Variants in PRELID3A observed in about 807,000 individuals in gnomAD.
PRELID3A encodes the protein PRELI domain containing protein 3A.
A neutral mutation model predicts 23.0 loss-of-function variants in PRELID3A; 27 were observed. That is an observed-to-expected ratio of 1.17 (90% CI 0.87 to 1.62). The LOEUF (loss-of-function observed/expected upper bound fraction) is 1.62, where lower values mean the gene tolerates loss of function less well. Among genes scored for constraint, PRELID3A ranks in the 40% most tolerant of loss-of-function variants. PRELID3A has a pLI of 0.00. For synonymous variants in PRELID3A, 87 were observed against 86.4 expected, an observed-to-expected ratio of 1.01 and a Z score of -0.04; for missense variants, 231 against 231.4, an observed-to-expected ratio of 1.00 and a Z score of 0.01.
At chr18:12,427,587 C>G (rs574494393) in intron 5 of PRELID3A, among the ~76,000 whole-genome samples, 144 of 151,838 alleles carry the variant, frequency 9.5e-4, no homozygotes, top group African/African-American at 3.3e-3. Context: ...CCCAGCTACT[C>G]GAGAGTCTGA....
chr18:12,421,800 A>G (rs2030191382), intron 3 of PRELID3A, among the ~76,000 whole-genome samples, 171 bp downstream of exon 3: 1 of 152,216 alleles, frequency 6.6e-6, no homozygotes, highest in African/African-American at 2.4e-5. Context: ...TAATAAGTAT[A>G]TAGAAAAATG....
chr18:12,416,635 TTTTC>T (rs1227689727), intron 1 of PRELID3A, among the ~76,000 whole-genome samples: 6 of 147,928 alleles, frequency 4.1e-5, no homozygotes, highest in East Asian at 2.0e-4. Flanking sequence ...TTTTCTTTTC[TTTTC>T]TTTCTTTCTT....
At chr18:12,408,652 C>A (rs920828359) in intron 1 of PRELID3A, among the ~76,000 whole-genome samples, 8 of 151,906 alleles carry the variant, frequency 5.3e-5, no homozygotes, top group African/African-American at 1.9e-4. Context: ...GAAGCCAGGC[C>A]CAGAAAGACA....
chr18:12,419,396 A>G (rs541264475), intron 1 of PRELID3A, among the ~76,000 whole-genome samples: 2 of 148,896 alleles, frequency 1.3e-5, no homozygotes, highest in African/African-American at 5.0e-5. Context: ...TGGGAGGCTG[A>G]GGCAGGCGGA....
intron 3 of PRELID3A, 124 bp from the exon 4 acceptor site, chr18:12,426,917 A>G: frequency 3.0e-6 from 2 of 675,224 alleles, no homozygotes; most frequent in Non-Finnish European, 5.3e-6. Context: ...CGTATCTCCT[A>G]TGCCTAAAAG....
chr18:12,417,879 C>T (rs1447014638), intron 1 of PRELID3A, among the ~76,000 whole-genome samples: 1 of 152,214 alleles, frequency 6.6e-6, no homozygotes, highest in Non-Finnish European at 1.5e-5. Flanking sequence ...TGGAATGCGT[C>T]AGCTTAGTGA....
At chr18:12,412,003 C>T (rs1194803927) in intron 1 of PRELID3A, among the ~76,000 whole-genome samples, 78 of 151,762 alleles carry the variant, frequency 5.1e-4, no homozygotes, top group Middle Eastern at 3.4e-3. Context: ...CTCCGCCTCC[C>T]GGGTTCACGC....
chr18:12,420,185 C>T, intron 1 of PRELID3A, 140 bp from the exon 2 acceptor site: 1 of 1,440,540 alleles, frequency 6.9e-7, no homozygotes, highest in Non-Finnish European at 9.1e-7. Flanking sequence ...TCGCGGGACT[C>T]CTCAGATTTG....
At chr18:12,412,109 C>T (rs1294886357) in intron 1 of PRELID3A, among the ~76,000 whole-genome samples, 1 of 151,828 alleles carries the variant, frequency 6.6e-6, no homozygotes, top group Non-Finnish European at 1.5e-5. Flanking sequence ...CCAGGATGGT[C>T]TCCATCTCCT....
rs369202289 is a variant in PRELID3A at position 12,432,181 on chromosome 18, T to C, written c.*1065T>C. On this transcript the variant is annotated 3_prime_UTR_variant, in exon 7 of 7. Transcript: ENST00000440960. ...AGTTTTCTGTGCTTATGAAAGCGTATGTGTGGCCTTTCTCTTCCCTTCTTT... is the reference window on the plus strand; with the variant it reads ...AGTTTTCTGTGCTTATGAAAGCGTACGTGTGGCCTTTCTCTTCCCTTCTTT... The C allele has an allele frequency of 2.6e-5, 4 of 152,374 alleles. No individual in the cohort carries two copies. In the East Asian group the frequency reaches 7.7e-4, roughly 29 times the overall value. The allele number at this position is 152,374 out of a possible 1,614,324, so 9.4% of individuals were successfully genotyped here.
chr18:12,412,557 A>G (rs1360458046), intron 1 of PRELID3A, among the ~76,000 whole-genome samples: 2 of 152,216 alleles, frequency 1.3e-5, no homozygotes, highest in Admixed American at 6.6e-5. Flanking sequence ...GTAGATATAG[A>G]TAGATATTAA....
At chr18:12,428,262 C>T (rs2030442098) in intron 5 of PRELID3A, among the ~76,000 whole-genome samples, 1 of 152,156 alleles carries the variant, frequency 6.6e-6, no homozygotes, top group Admixed American at 6.5e-5. Context: ...AGGTTGCCCT[C>T]CCCTCCAGCA....
chr18:12,430,560 AGT>A (rs371287494), intron 6 of PRELID3A, among the ~76,000 whole-genome samples: 48 of 119,706 alleles, frequency 4.0e-4, no homozygotes, highest in African/African-American at 1.4e-3. Context: ...TGGTATGTGG[AGT>A]GTGTGTGTGA....
chr18:12,431,065 G>C (rs1351953474), intron 6 of PRELID3A, 85 bp from the exon 7 acceptor site: 2 of 138,174 alleles, frequency 1.4e-5, no homozygotes, highest in Non-Finnish European at 3.1e-5. Flanking sequence ...TGTGCGGTGT[G>C]TGTCATGAGT....
chr18:12,411,181 AAAATT>A (rs1467765581), intron 1 of PRELID3A, among the ~76,000 whole-genome samples: 1 of 126,402 alleles, frequency 7.9e-6, no homozygotes, highest in Admixed American at 7.9e-5. Context: ...TAGTTTAAAT[AAAATT>A]AAAAGTATAT....
chr18:12,426,150 A>AG (rs2030355376), intron 3 of PRELID3A, among the ~76,000 whole-genome samples: 5 of 151,270 alleles, frequency 3.3e-5, no homozygotes, highest in African/African-American at 1.2e-4. Flanking sequence ...GAGGCAGGGG[A>AG]ATCACTTCAA....
chr18:12,429,822 G>A (rs921067837), intron 6 of PRELID3A, among the ~76,000 whole-genome samples: 2 of 152,232 alleles, frequency 1.3e-5, no homozygotes, highest in African/African-American at 2.4e-5. Context: ...TGCTGTGAGC[G>A]AGGTCCTGTG....
intron 1 of PRELID3A, among the ~76,000 whole-genome samples, chr18:12,415,896 T>C (rs1281657820): frequency 6.6e-6 from 1 of 152,144 alleles, no homozygotes; most frequent in Non-Finnish European, 1.5e-5. Context: ...GGGACACGTG[T>C]ATGTGGGGAG....
intron 5 of PRELID3A, among the ~76,000 whole-genome samples, chr18:12,428,350 C>T (rs530800577): frequency 6.6e-6 from 1 of 152,294 alleles, no homozygotes. Context: ...CAGAGCAGGG[C>T]CTTTGCTTTT....
Sources: gnomAD v4.1 joint callset for allele counts (sites outside exome capture counted in the v4.1 genomes callset) on GRCh38, gnomAD v4.1.1 for gene constraint, MANE v1.5 for transcripts, NCBI Gene and HGNC (gene_info 2026-07-23, HGNC 2026-07-21) for gene names.